Variants in IRX1 observed in about 807,000 individuals in gnomAD.
IRX1 encodes the protein iroquois-class homeodomain protein IRX-1.
In IRX1, 22 loss-of-function variants were observed where a neutral mutation model predicts 34.1. The ratio of observed to expected loss-of-function variants is 0.64; its 90% confidence interval spans 0.46 to 0.92. The LOEUF (loss-of-function observed/expected upper bound fraction) is 0.92, where lower values mean the gene tolerates loss of function less well. Ranked by LOEUF, IRX1 falls within the 40% of genes least tolerant of loss-of-function variation. IRX1 has a pLI of 0.00. For missense variants in IRX1, 758 were observed against 680.0 expected (o/e 1.11, Z -1.28); for synonymous variants, 363 against 319.0 (o/e 1.14, Z -1.47).
Position 3,599,883 on chromosome 5 carries a change from G to A in IRX1, c.935G>A (p.Gly312Asp). The A allele has an allele frequency of 2.0e-6, 3 of 1,496,072 alleles. No homozygotes were observed. Among genetic ancestry groups the A allele is most frequent in the Non-Finnish European group, 2.7e-6 (3 of 1,126,088 alleles). The allele number at this position is 1,496,072 out of a possible 1,614,324, so 92.7% of individuals were successfully genotyped here. ...GGCGGCCTGCAGGGTGCGCCGCACG[G>A]CAAGCCCAAGATCTGGTCGCTGGCG... is the stretch of plus-strand genomic sequence containing the variant. Reference protein sequence around the residue: ...AAGGLQGAPHGKPKIWSLAET... With the variant: ...AAGGLQGAPHDKPKIWSLAET... The change falls in exon 2 of 4, where the codon GGC becomes GAC. Residue 312 changes from glycine (G) to aspartate (D), a missense_variant. Transcript: ENST00000302006. This position sits in a 1 kb window ranked among gnomAD's most constrained non-coding sequence, Gnocchi z 6.6.
At chr5:3,598,128 C>T (rs1733839783) in intron 1 of IRX1, among the ~76,000 whole-genome samples, 1 of 152,168 alleles carries the variant, frequency 6.6e-6, no homozygotes, top group African/African-American at 2.4e-5. Context: ...AACCCTGATT[C>T]TAGGCCTAGG....
At chr5:3,597,313 C>A (rs1255920114) in intron 1 of IRX1, among the ~76,000 whole-genome samples, 1 of 152,192 alleles carries the variant, frequency 6.6e-6, no homozygotes, top group Non-Finnish European at 1.5e-5. Context: ...GCTTAAACTT[C>A]GGACGGCTGG....
rs1206260785 is a variant in IRX1 at position 3,600,750 on chromosome 5, G to T, written c.1385+69G>T. Reference sequence around the variant, plus strand: ...GGGGGAGGAGGAGTGGTCGGGACCCGGGCGGAGCTGGCTGGGTGGCGGTGG... The same window carrying T: ...GGGGGAGGAGGAGTGGTCGGGACCCTGGCGGAGCTGGCTGGGTGGCGGTGG... On this transcript the variant is annotated intron_variant, in intron 3 of 3. Coordinates refer to ENST00000302006, the MANE Select transcript of IRX1 (RefSeq NM_024337.4). The T allele has an allele frequency of 2.1e-6, 3 of 1,436,470 alleles. 1 individual carries two copies. Among genetic ancestry groups the T allele is most frequent in the South Asian group, 2.3e-5 (2 of 86,670 alleles). The allele number at this position is 1,436,470 out of a possible 1,614,324, so 89.0% of individuals were successfully genotyped here.
Position 3,601,403 on chromosome 5 carries a change from A to C in IRX1, c.*363A>C. 3.6e-6 allele frequency: 1 copy of C among 275,210 alleles called. No homozygotes were observed. Among genetic ancestry groups the C allele is most frequent in the Non-Finnish European group, 7.0e-6 (1 of 142,130 alleles). The allele number at this position is 275,210 out of a possible 1,614,324, so 17.0% of individuals were successfully genotyped here. On this transcript the variant is annotated 3_prime_UTR_variant, in exon 4 of 4. Transcript: ENST00000302006. ...TGTCTAATAAACTAAATGAAATGAC[A>C]CCCCCTCCCCGCTCCTGCTGCTGTG...
At chr5:3,600,951 T>G in intron 3 of IRX1, 32 bp from the exon 4 acceptor site, 1 of 1,610,786 alleles carries the variant, frequency 6.2e-7, no homozygotes, top group East Asian at 2.2e-5. Context: ...ACAGTGCCCC[T>G]GTCTTCTTGT....
Position 3,600,097 on chromosome 5 carries a change from C to T in IRX1, c.1149C>T (p.Gly383=), listed in dbSNP as rs371820903. 6.2e-7 allele frequency: 1 copy of T among 1,613,168 alleles called. No individual in the cohort carries two copies. Among genetic ancestry groups the T allele is most frequent in the African/African-American group, 1.3e-5 (1 of 74,942 alleles). Residue 383 remains glycine, a synonymous_variant, in exon 2 of 4, where the codon GGC becomes GGT. Transcript: ENST00000302006. ...CCAACAGCGCATTCCTCGCACAGGG[C>T]TCCCTGCTCAACATGCGCTCCTTCC... ...NWTNSAFLAQ[G]SLLNMRSFLG... is the part of the protein sequence containing the mutation.
At position 3,599,267 on chromosome 5, in the gene IRX1, G is replaced by T. The variant is rs529975639; in HGVS notation, c.319G>T (p.Ala107Ser). The stretch of plus-strand genomic sequence containing the variant: ...GAAGGACAACCCTGGGGTGCACCCC[G>T]CCACCTTCGCAGCCCACACGGCGCC... ...ELKDNPGVHP[A>S]TFAAHTAPAY... Residue 107 changes from alanine to serine, a missense_variant, in exon 2 of 4, where the codon GCC (alanine) becomes TCC (serine). Ala to Ser is a moderately conservative substitution (Grantham distance 99). Coordinates refer to ENST00000302006, the MANE Select transcript of IRX1 (RefSeq NM_024337.4). This position sits in a 1 kb window ranked among gnomAD's most constrained non-coding sequence, Gnocchi z 6.6. 9.9e-5 allele frequency: 160 copies of T among 1,613,766 alleles called. 1 individual carries two copies. In the South Asian group the frequency reaches 1.6e-3, roughly 16 times the overall value.
chr5:3,598,720 C>A (rs1251088892), intron 1 of IRX1, among the ~76,000 whole-genome samples: 1 of 152,192 alleles, frequency 6.6e-6, no homozygotes, highest in African/African-American at 2.4e-5. Context: ...TTTGATTGAG[C>A]CCCCTCTGGG....
chr5:3,597,612 A>C (rs927794561), intron 1 of IRX1, among the ~76,000 whole-genome samples: 6 of 152,236 alleles, frequency 3.9e-5, no homozygotes, highest in African/African-American at 1.4e-4. Context: ...AGAGATTTAC[A>C]AGGTGTCCTT....
intron 2 of IRX1, 82 bp from the exon 3 acceptor site, chr5:3,600,527 G>A: frequency 3.0e-6 from 4 of 1,311,736 alleles, no homozygotes; most frequent in Non-Finnish European, 4.4e-6. Flanking sequence ...CTGGGCAGCC[G>A]GCAGAAGTTG....
At chr5:3,600,888 C>T in intron 3 of IRX1, 95 bp from the exon 4 acceptor site, 3 of 1,360,222 alleles carry the variant, frequency 2.2e-6, no homozygotes, top group South Asian at 2.3e-5. Context: ...TCGACCCCGC[C>T]CCCAGGGCTC....
Position 3,600,624 on chromosome 5 carries a change from C to T in IRX1, c.1328C>T (p.Pro443Leu). ...TCTCTCGCAGAGAGAGACCTCGTCC[C>T]CAGGCCAGATTCGCCGGCACAGCAG... ...SPTLPERDLV[P>L]RPDSPAQQLK... The change falls in exon 3 of 4, where the codon CCC becomes CTC. Residue 443 changes from proline to leucine, a missense_variant. Physicochemically the swap from Pro to Leu is moderately conservative, Grantham distance 98. Around this residue, in one of 3 missense-constraint regions of IRX1, gnomAD observed 529 missense variants for 418.8 expected, o/e 1.26. Coordinates refer to ENST00000302006, the MANE Select transcript of IRX1 (RefSeq NM_024337.4). The T allele has an allele frequency of 6.2e-7, 1 of 1,613,784 alleles. No homozygotes were observed. Among genetic ancestry groups the T allele is most frequent in the East Asian group, 2.2e-5 (1 of 44,872 alleles).
intron 2 of IRX1, 88 bp downstream of exon 2, chr5:3,600,348 G>A (rs937913591): frequency 1.2e-5 from 15 of 1,296,968 alleles, no homozygotes; most frequent in Middle Eastern, 2.2e-4. Flanking sequence ...AGCATGAGCC[G>A]GGAGGGTACC....
rs771801748 is a variant in IRX1, at chr5:3,600,987, C to T, written c.1390C>T (p.Leu464=). ...CTCGCTGTGTTTCCCATGCAGCTCT[C>T]TGGCCCCGCAGGAGGGAACGCCGCG... ...SPFQPVRDNS[L]APQEGTPRIL... is the part of the protein sequence containing the mutation. The change falls in exon 4 of 4, where the codon CTG becomes TTG. Residue 464 remains leucine, a synonymous_variant. Coordinates refer to ENST00000302006, the MANE Select transcript of IRX1 (RefSeq NM_024337.4). The T allele has an allele frequency of 6.2e-7, 1 of 1,613,320 alleles. No homozygotes were observed. Among genetic ancestry groups the T allele is most frequent in the Non-Finnish European group, 8.5e-7 (1 of 1,179,762 alleles).
rs1441771155 is a variant in IRX1 at position 3,596,148 on chromosome 5, G to T, written c.43G>T (p.Ala15Ser). 1.9e-6 allele frequency: 2 copies of T among 1,043,090 alleles called. No individual in the cohort carries two copies. The highest frequency in any genetic ancestry group is 1.5e-4 in the East Asian group (2 of 13,360). The allele number at this position is 1,043,090 out of a possible 1,614,324, so 64.6% of individuals were successfully genotyped here. A position where few individuals can be genotyped will look rare whatever the true frequency, so the allele number is the denominator to read the frequency against. The change falls in exon 1 of 4, where the codon GCG becomes TCG. Residue 15 changes from alanine (A) to serine (S), a missense_variant. Ala to Ser is a moderately conservative substitution (Grantham distance 99). This residue lies in a region of IRX1 where 195 missense variants were observed against 195.0 expected (regional missense o/e 1.00). Coordinates refer to ENST00000302006, the MANE Select transcript of IRX1 (RefSeq NM_024337.4). ...QLGYPQYLSA[A>S]GPGAYGGERP... is the part of the protein sequence containing the mutation. Reference sequence around the variant, plus strand: ...GGGCTACCCGCAGTACCTGAGCGCCGCGGGGCCGGGCGCCTACGGCGGCGA... The same window carrying T: ...GGGCTACCCGCAGTACCTGAGCGCCTCGGGGCCGGGCGCCTACGGCGGCGA...
chr5:3,600,275 C>G lies in IRX1; in HGVS notation c.1312+15C>G, dbSNP rs952357492. The G allele has an allele frequency of 8.6e-5, 134 of 1,552,008 alleles. No individual in the cohort carries two copies. Among genetic ancestry groups the G allele is most frequent in the Non-Finnish European group, 1.1e-4 (130 of 1,152,744 alleles). On this transcript the variant is annotated intron_variant, in intron 2 of 3. Transcript: ENST00000302006. Reference sequence around the variant, plus strand: ...CACGCTCCCAGGTACAGCTCCAGGCCGCGTCCACCTGTCCCCTAGCTGGGA... The same window carrying G: ...CACGCTCCCAGGTACAGCTCCAGGCGGCGTCCACCTGTCCCCTAGCTGGGA...
In IRX1 at chr5:3,599,733, C is replaced by T; in HGVS notation, c.785C>T (p.Ala262Val). 2 of 1,612,008 alleles carry T rather than the reference C, an allele frequency of 1.2e-6. No individual in the cohort carries two copies. The highest frequency in any genetic ancestry group is 1.7e-6 in the Non-Finnish European group (2 of 1,179,710). Residue 262 changes from alanine (A) to valine (V), a missense_variant, in exon 2 of 4, where the codon GCC (alanine) becomes GTC (valine). Ala to Val is a moderately conservative substitution (Grantham distance 64). Around this residue, in one of 3 missense-constraint regions of IRX1, gnomAD observed 529 missense variants for 418.8 expected, o/e 1.26. Coordinates refer to ENST00000302006, the MANE Select transcript of IRX1 (RefSeq NM_024337.4). The surrounding 1 kb of genome is among the most constrained non-coding windows in gnomAD (Gnocchi z 6.6). ...PHAPAAPSAL[A>V]RDQGSPLAAA... ...GCGCCCGCAGCCCCTTCTGCTCTTG[C>T]CCGGGACCAAGGCTCGCCGCTGGCA...
chr5:3,598,485 A>G (rs1047957913), intron 1 of IRX1, among the ~76,000 whole-genome samples: 3 of 151,362 alleles, frequency 2.0e-5, no homozygotes, highest in African/African-American at 7.3e-5. Flanking sequence ...CCTTGCGTTA[A>G]TATTTTACAG....
intron 1 of IRX1, among the ~76,000 whole-genome samples, chr5:3,597,071 G>A (rs1743713305): frequency 6.6e-6 from 1 of 152,184 alleles, no homozygotes; most frequent in Non-Finnish European, 1.5e-5. Context: ...AGTTGCCCAA[G>A]TTTTCATTTC....
Sources: gnomAD v4.1 joint callset for allele counts (sites outside exome capture counted in the v4.1 genomes callset) on GRCh38, gnomAD v4.1.1 for gene constraint, gnomAD v4.1.1 regional missense constraint, Gnocchi (gnomAD v3.1) non-coding constraint, MANE v1.5 for transcripts, NCBI Gene and HGNC (gene_info 2026-07-23, HGNC 2026-07-21) for gene names.